The following MCTP1 variants were observed in gnomAD, a reference collection of about 807,000 sequenced individuals.
MCTP1 encodes the protein multiple C2 and transmembrane domain containing 1, also known as multiple C2 and transmembrane domain-containing protein 1.
Under a neutral mutation model 120.6 loss-of-function variants are expected in MCTP1, and 69 were observed. That is an observed-to-expected ratio of 0.57 (90% CI 0.47 to 0.70). The LOEUF is 0.70. MCTP1 is among the 30% of genes least tolerant of loss of function. MCTP1 has a pLI of 0.00. For missense variants in MCTP1, 1,203 were observed against 1,248.8 expected, an observed-to-expected ratio of 0.96 and a Z score of 0.55; for synonymous variants, 529 against 493.1, an observed-to-expected ratio of 1.07 and a Z score of -0.96.
intron 1 of MCTP1, among the ~76,000 whole-genome samples, chr5:95,125,701 A>C (rs531131644): frequency 6.6e-6 from 1 of 152,214 alleles, no homozygotes; most frequent in African/African-American, 2.4e-5. Context: ...TGCCTTATTG[A>C]CTGGTGTATT....
intron 1 of MCTP1, 75 bp from the exon 2 acceptor site, chr5:95,017,559 A>AAAG (rs1837362559): frequency 7.2e-5 from 55 of 758,874 alleles, no homozygotes; most frequent in Non-Finnish European, 9.9e-5. Flanking sequence ...GACCATATAT[A>AAAG]GCTTAACCCA....
intron 3 of MCTP1, among the ~76,000 whole-genome samples, chr5:94,948,621 C>T (rs1306816971): frequency 2.6e-5 from 4 of 152,010 alleles, no homozygotes; most frequent in African/African-American, 7.2e-5. Context: ...ATTCCCATTC[C>T]AACTACTCAT....
At chr5:95,096,853 G>A (rs1464845205) in intron 1 of MCTP1, among the ~76,000 whole-genome samples, 6 of 152,246 alleles carry the variant, frequency 3.9e-5, no homozygotes, top group African/African-American at 1.2e-4. Flanking sequence ...TAGCTCCCAA[G>A]CCATCAATGA....
At chr5:94,771,037 A>G (rs748043543) in intron 19 of MCTP1, among the ~76,000 whole-genome samples, 6 of 152,210 alleles carry the variant, frequency 3.9e-5, no homozygotes, top group Non-Finnish European at 7.3e-5. Flanking sequence ...ACTACTCCAT[A>G]ATATCACAAT....
At chr5:94,797,697 T>C (rs1780384747) in intron 18 of MCTP1, among the ~76,000 whole-genome samples, 2 of 152,174 alleles carry the variant, frequency 1.3e-5, no homozygotes, top group South Asian at 4.1e-4. Flanking sequence ...TTTGAACATG[T>C]CTAATTTCCA....
chr5:95,096,486 G>A (rs936947636), intron 1 of MCTP1, among the ~76,000 whole-genome samples: 1 of 152,036 alleles, frequency 6.6e-6, no homozygotes, highest in African/African-American at 2.4e-5. Flanking sequence ...CTACTTGGCT[G>A]AGTCTTAAAA....
intron 18 of MCTP1, among the ~76,000 whole-genome samples, chr5:94,793,764 G>A (rs916915965): frequency 2.0e-5 from 3 of 152,182 alleles, no homozygotes; most frequent in Non-Finnish European, 2.9e-5. Flanking sequence ...AGACTTCTTT[G>A]GAATGGAGAA....
intron 1 of MCTP1, among the ~76,000 whole-genome samples, chr5:95,137,622 T>C (rs968648703): frequency 2.0e-5 from 3 of 152,256 alleles, no homozygotes; most frequent in Non-Finnish European, 4.4e-5. Context: ...TCACCTCAAC[T>C]GTGGCACATT....
chr5:95,175,106 A>C (rs1747809672), intron 1 of MCTP1, among the ~76,000 whole-genome samples: 1 of 152,238 alleles, frequency 6.6e-6, no homozygotes, highest in African/African-American at 2.4e-5. Context: ...AGTGGGAAAA[A>C]AATAGAATTA....
rs140235988 is a variant in MCTP1 at position 94,885,756 on chromosome 5, T to C, written c.1933+3123A>G. Among the ~76,000 whole-genome samples the C allele has an allele frequency of 3.9e-3, 592 of 152,190 alleles. 1 individual carries two copies. Among genetic ancestry groups the C allele is most frequent in the African/African-American group, 0.014 (567 of 41,508 alleles). On this transcript the variant is annotated intron_variant, in intron 12 of 22. Transcript: ENST00000515393. ...AGACATTAACCTTTTCACTGGTTAG[T>C]TGAAAGGTAAGTAAGTTGTACTGAG...
intron 1 of MCTP1, among the ~76,000 whole-genome samples, chr5:95,280,074 C>T (rs1444545221): frequency 6.6e-6 from 1 of 152,074 alleles, no homozygotes; most frequent in Admixed American, 6.5e-5. Context: ...TGAAAAATTG[C>T]AAAAATCAAC....
rs905000821 is a variant in MCTP1, at chr5:94,706,208, T to TC, written c.*1287dup. The TC allele has an allele frequency of 1.3e-5, 2 of 151,588 alleles. No individual in the cohort carries two copies. Among genetic ancestry groups the TC allele is most frequent in the Non-Finnish European group, 3.0e-5 (2 of 67,728 alleles). The allele number at this position is 151,588 out of a possible 1,614,324, so 9.4% of individuals were successfully genotyped here. ...CTGCTGCAATTTCAACTGAGTGTAG[T>TC]CCCCTACCAAGTCAGGGAAGTAAGA... On this transcript the variant is annotated 3_prime_UTR_variant, in exon 23 of 23. Coordinates refer to ENST00000515393, the MANE Select transcript of MCTP1 (RefSeq NM_024717.7).
At chr5:95,007,081 AC>A in intron 2 of MCTP1, among the ~76,000 whole-genome samples, 1 of 152,164 alleles carries the variant, frequency 6.6e-6, no homozygotes, top group East Asian at 1.9e-4. Flanking sequence ...GGAAGCAAAC[AC>A]CTCCTTCTTC....
chr5:95,281,876 C>T (rs1760353679), intron 1 of MCTP1, among the ~76,000 whole-genome samples: 1 of 152,202 alleles, frequency 6.6e-6, no homozygotes, highest in African/African-American at 2.4e-5. Flanking sequence ...CTACTTTCAT[C>T]AGTAAGACCA....
At chr5:95,068,403 T>A (rs1249157066) in intron 1 of MCTP1, among the ~76,000 whole-genome samples, 1 of 152,126 alleles carries the variant, frequency 6.6e-6, no homozygotes, top group African/African-American at 2.4e-5. Flanking sequence ...AACATAGGAA[T>A]CTGATCACAA....
intron 19 of MCTP1, among the ~76,000 whole-genome samples, chr5:94,763,869 TTA>T (rs1174214350): frequency 1.3e-5 from 2 of 152,238 alleles, no homozygotes; most frequent in Admixed American, 6.5e-5. Context: ...AATTCATGTT[TTA>T]TGTCAAATTA....
intron 19 of MCTP1, among the ~76,000 whole-genome samples, chr5:94,725,233 T>C (rs1432765217): frequency 6.6e-6 from 1 of 152,166 alleles, no homozygotes; most frequent in Non-Finnish European, 1.5e-5. Flanking sequence ...TTTACTAAAA[T>C]CCCTCCTGGT....
At chr5:95,073,316 A>C (rs1014510801) in intron 1 of MCTP1, among the ~76,000 whole-genome samples, 2 of 152,174 alleles carry the variant, frequency 1.3e-5, no homozygotes, top group Non-Finnish European at 2.9e-5. Flanking sequence ...TCTCTCATCC[A>C]GACTCATGGC....
chr5:94,793,941 C>G (rs1333636287), intron 18 of MCTP1, among the ~76,000 whole-genome samples: 1 of 152,200 alleles, frequency 6.6e-6, no homozygotes, highest in African/African-American at 2.4e-5. Context: ...CTCACTGGAA[C>G]AGACCTAATG....
Sources: gnomAD v4.1 joint callset for allele counts (sites outside exome capture counted in the v4.1 genomes callset) on GRCh38, gnomAD v4.1.1 for gene constraint, MANE v1.5 for transcripts, NCBI Gene and HGNC (gene_info 2026-07-23, HGNC 2026-07-21) for gene names.